The following MME variants were observed in gnomAD, a reference collection of about 807,000 sequenced individuals.
MME encodes the protein neprilysin.
Under a neutral mutation model 113.2 loss-of-function variants are expected in MME, and 98 were observed. The observed-to-expected ratio is 0.87, with a 90% CI of 0.74 to 1.02. The LOEUF (loss-of-function observed/expected upper bound fraction) is 1.02. MME is among the 50% of genes least tolerant of loss of function. The pLI is 0.00. For missense variants in MME, 836 were observed against 896.0 expected (o/e 0.93, Z 0.86); for synonymous variants, 292 against 300.6 (o/e 0.97, Z 0.30).
chr3:155,149,442 A>G (rs1187430004), intron 16 of MME, among the ~76,000 whole-genome samples: 2 of 152,128 alleles, frequency 1.3e-5, no homozygotes, highest in African/African-American at 4.8e-5. Context: ...AAATAAATAT[A>G]CTAACTTGAT....
chr3:155,032,211 GA>G (rs1712996058), intron 1 of MME, among the ~76,000 whole-genome samples: 1 of 152,198 alleles, frequency 6.6e-6, no homozygotes, highest in African/African-American at 2.4e-5. Context: ...TCTTGTAGGA[GA>G]AATTTTGTTC....
intron 1 of MME, among the ~76,000 whole-genome samples, chr3:155,056,899 A>G (rs1018746239): frequency 2.0e-5 from 3 of 152,194 alleles, no homozygotes; most frequent in Admixed American, 2.0e-4. Flanking sequence ...CCATATGTAG[A>G]AAGCTGAAAC....
chr3:155,055,718 A>G (rs960538318), intron 1 of MME, among the ~76,000 whole-genome samples: 3 of 152,242 alleles, frequency 2.0e-5, no homozygotes, highest in Non-Finnish European at 4.4e-5. Context: ...GATAATGACT[A>G]GAAAGGAGCC....
In MME at chr3:155,147,292, A is replaced by G. The variant is rs1242971652; in HGVS notation, c.1497+68A>G. 1.1e-5 allele frequency: 11 copies of G among 975,546 alleles called. No homozygotes were observed. The Admixed American group carries it at 1.7e-4, about 15-fold the overall frequency. The allele number at this position is 975,546 out of a possible 1,614,324, so 60.4% of individuals were successfully genotyped here. On this transcript the variant is annotated intron_variant, in intron 15 of 22. Transcript: ENST00000360490. Reference sequence around the variant, plus strand: ...GCTGGTAGTAGTGTCATTTTTAGCTATGGGGTGCCTGAAATTATATGAAGT... The same window carrying G: ...GCTGGTAGTAGTGTCATTTTTAGCTGTGGGGTGCCTGAAATTATATGAAGT...
Position 155,072,065 on chromosome 3 carries a change from G to A in MME, c.-10-12093G>A, listed in dbSNP as rs555636233. 2.7e-5 allele frequency among the ~76,000 whole-genome samples: 4 copies of A among 150,092 alleles called. No individual in the cohort carries two copies. In the East Asian group the frequency reaches 8.0e-4, roughly 30 times the overall value. On this transcript the variant is annotated intron_variant, in intron 1 of 22. Coordinates refer to the MME transcript ENST00000492661. ...AGTCCCAGCTACTGGGGAGGCTGAG[G>A]CAGGAGAATGGCATGAACCCGGGAA...
intron 20 of MME, among the ~76,000 whole-genome samples, chr3:155,169,104 T>C (rs1711628647): frequency 6.6e-6 from 1 of 152,150 alleles, no homozygotes; most frequent in South Asian, 2.1e-4. Context: ...TAAGAAATAA[T>C]CTCTGGAATA....
intron 8 of MME, among the ~76,000 whole-genome samples, chr3:155,135,484 AT>A (rs80237238): frequency 0.29 from 43,676 of 151,834 alleles, 6,486 homozygotes; most frequent in African/African-American, 0.32. Flanking sequence ...ATCCTGTTCC[AT>A]TGGTCTGTGT....
intron 1 of MME, among the ~76,000 whole-genome samples, chr3:155,063,500 A>AATATATATTTT (rs1714250279): frequency 9.6e-6 from 1 of 103,814 alleles, no homozygotes. Context: ...TATATATTTA[A>AATATATATTTT]ATATATATAT....
At position 155,116,510 on chromosome 3, in the gene MME, A is replaced by G. The variant is rs2108255442; in HGVS notation, c.390A>G (p.Ile130Met). Residue 130 changes from isoleucine to methionine, a missense_variant, in exon 5 of 23, where the codon ATA (isoleucine) becomes ATG (methionine). Ile to Met is a conservative substitution (Grantham distance 10, BLOSUM62 1). Transcript: ENST00000360490. ...DVLQEPKTED[I>M]VAVQKAKALY... ...TTCAAGAACCCAAAACTGAAGATAT[A>G]GTAGCAGTGCAGAAAGCAAAAGCAT... is the stretch of plus-strand genomic sequence containing the variant. 3 of 1,612,878 alleles carry G rather than the reference A, an allele frequency of 1.9e-6. No individual in the cohort carries two copies.
At chr3:155,093,871 G>T (rs1237256430) in intron 3 of MME, among the ~76,000 whole-genome samples, 2 of 144,220 alleles carry the variant, frequency 1.4e-5, no homozygotes, top group South Asian at 2.3e-4. Flanking sequence ...AAAAAAAAAA[G>T]ATTGAAAAAA....
chr3:155,179,662 C>G (rs1161408226), intron 22 of MME, among the ~76,000 whole-genome samples: 1 of 152,120 alleles, frequency 6.6e-6, no homozygotes, highest in Non-Finnish European at 1.5e-5. Flanking sequence ...AACATCACCT[C>G]TGCATCAATG....
chr3:155,025,615 C>A (rs565998811), intron 1 of MME, among the ~76,000 whole-genome samples: 2 of 145,530 alleles, frequency 1.4e-5, no homozygotes, highest in East Asian at 4.0e-4. Context: ...CAGAGCGAGA[C>A]CCTGTCTCAA....
chr3:155,069,485 G>A (rs1382848032), intron 1 of MME, among the ~76,000 whole-genome samples: 1 of 152,164 alleles, frequency 6.6e-6, no homozygotes, highest in Non-Finnish European at 1.5e-5. Flanking sequence ...GCTCACAAGT[G>A]AATGACTTGG....
intron 16 of MME, among the ~76,000 whole-genome samples, chr3:155,155,826 C>T (rs1259990621): frequency 6.6e-6 from 1 of 152,318 alleles, no homozygotes; most frequent in Non-Finnish European, 1.5e-5. Flanking sequence ...ATAAAGCATA[C>T]CAAGTGTGTA....
chr3:155,094,562 A>G (rs1716567591), intron 3 of MME, among the ~76,000 whole-genome samples: 1 of 152,232 alleles, frequency 6.6e-6, no homozygotes, highest in African/African-American at 2.4e-5. Flanking sequence ...TTGTAGCCAG[A>G]AACAGAGAGA....
At position 155,105,065 on chromosome 3, in the gene MME, G is replaced by A. The variant is rs1014231149; in HGVS notation, c.197-9929G>A. On this transcript the variant is annotated intron_variant, in intron 3 of 22. Transcript: ENST00000360490. ...TGCGAATTCTGGAGGAATCCCTACTGGAAAATAATTGCCAGTCCTCCCTTG... is the reference window on the plus strand; with the variant it reads ...TGCGAATTCTGGAGGAATCCCTACTAGAAAATAATTGCCAGTCCTCCCTTG... Among the ~76,000 whole-genome samples, 105 of 152,040 alleles carry A rather than the reference G, an allele frequency of 6.9e-4. 1 individual carries two copies. The highest frequency in any genetic ancestry group is 2.5e-3 in the African/African-American group (104 of 41,386).
rs113688063 is a variant in MME, at chr3:155,160,793, C to T, written c.1660+345C>T. On this transcript the variant is annotated intron_variant, in intron 17 of 22. Coordinates refer to ENST00000360490, the MANE Select transcript of MME (RefSeq NM_007289.4). ...ATAAAGTCATATTGACTTTAAGACT[C>T]ATTAAGCATTAGCTTCTTAAAGTGG... Among the ~76,000 whole-genome samples, 636 of 152,156 alleles carry T rather than the reference C, an allele frequency of 4.2e-3. 6 individuals carry two copies. The highest frequency in any genetic ancestry group is 0.014 in the African/African-American group (596 of 41,540).
intron 1 of MME, among the ~76,000 whole-genome samples, chr3:155,033,956 T>C (rs902750847): frequency 5.3e-5 from 8 of 152,176 alleles, no homozygotes; most frequent in African/African-American, 9.6e-5. Flanking sequence ...TCCTTAAACC[T>C]AAGATACCAA....
At chr3:155,031,517 T>G (rs1290653408) in intron 1 of MME, among the ~76,000 whole-genome samples, 1 of 152,142 alleles carries the variant, frequency 6.6e-6, no homozygotes, top group Non-Finnish European at 1.5e-5. Flanking sequence ...CTTTTTAAAT[T>G]TAGAAATAGT....
Sources: allele counts gnomAD v4.1 joint callset (sites outside exome capture counted in the v4.1 genomes callset), GRCh38; gene constraint gnomAD v4.1.1; transcripts MANE v1.5; gene names NCBI Gene and HGNC (gene_info 2026-07-23, HGNC 2026-07-21).